The following CACNA2D3 variants were observed in gnomAD, a reference collection of about 807,000 sequenced individuals.
CACNA2D3 encodes calcium voltage-gated channel auxiliary subunit alpha2delta 3, also known as voltage-dependent calcium channel subunit alpha-2/delta-3.
A neutral mutation model predicts 160.6 loss-of-function variants in CACNA2D3; 60 were observed. The ratio of observed to expected loss-of-function variants is 0.37; its 90% confidence interval spans 0.30 to 0.46. CACNA2D3 has a LOEUF of 0.46. Ranked by LOEUF, CACNA2D3 falls within the 20% of genes least tolerant of loss-of-function variation. The pLI, the probability that CACNA2D3 is intolerant of heterozygous loss-of-function variation, is 1.00. For synonymous variants in CACNA2D3, 558 were observed against 492.9 expected (o/e 1.13, Z -1.75); for missense variants, 1,205 against 1,365.0 (o/e 0.88, Z 1.85).
intron 35 of CACNA2D3, among the ~76,000 whole-genome samples, chr3:55,034,867 G>T (rs1207590513): frequency 6.6e-6 from 1 of 152,042 alleles, no homozygotes. Context: ...GTGTATTTAT[G>T]TAGTGACTCT....
intron 3 of CACNA2D3, among the ~76,000 whole-genome samples, chr3:54,342,765 A>G (rs191381035): frequency 3.8e-4 from 58 of 152,332 alleles, no homozygotes; most frequent in African/African-American, 1.3e-3. Flanking sequence ...AACTGGTTTG[A>G]AGGTGATGAG....
intron 11 of CACNA2D3, among the ~76,000 whole-genome samples, chr3:54,728,185 CT>C (rs149268857): frequency 0.064 from 9,775 of 152,056 alleles, 1,010 homozygotes; most frequent in African/African-American, 0.22. Context: ...TTGCCCCATT[CT>C]TTTTTTAAAT....
chr3:54,821,649 TTTC>T (rs1559594853), intron 14 of CACNA2D3, among the ~76,000 whole-genome samples: 11 of 46,940 alleles, frequency 2.3e-4, no homozygotes, highest in African/African-American at 6.8e-4. Flanking sequence ...TCGTTCTTTC[TTTC>T]TTTCTTTCTT....
At chr3:54,837,353 G>A (rs1462347790) in intron 15 of CACNA2D3, 123 bp downstream of exon 15, 6 of 777,848 alleles carry the variant, frequency 7.7e-6, no homozygotes, top group Non-Finnish European at 1.3e-5. Context: ...TTTCCTTATT[G>A]TTTGATCTTG....
At chr3:54,545,104 TAACA>T (rs1702040912) in intron 5 of CACNA2D3, among the ~76,000 whole-genome samples, 3 of 152,230 alleles carry the variant, frequency 2.0e-5, no homozygotes, top group African/African-American at 7.2e-5. Flanking sequence ...TGTTCCAAAC[TAACA>T]AACTGATAAA....
In CACNA2D3 at chr3:54,693,036, C is replaced by T. The variant is rs1159111259; in HGVS notation, c.1167+50795C>T. ...CAGCAAAATGTAAAAAAAAAACCAC[C>T]ACCACCACCACCACCAACAACAAAA... On this transcript the variant is annotated intron_variant, in intron 11 of 37. Coordinates refer to ENST00000474759, the MANE Select transcript of CACNA2D3 (RefSeq NM_018398.3). 4.6e-5 allele frequency among the ~76,000 whole-genome samples: 7 copies of T among 151,538 alleles called. No individual in the cohort carries two copies. In the East Asian group the frequency reaches 7.8e-4, roughly 17 times the overall value.
intron 11 of CACNA2D3, among the ~76,000 whole-genome samples, chr3:54,664,701 G>A (rs1284468826): frequency 6.6e-6 from 1 of 152,212 alleles, no homozygotes; most frequent in East Asian, 1.9e-4. Context: ...CATTTCGTGG[G>A]CCTAAGACTG....
At chr3:54,492,344 T>C (rs1376975331) in intron 4 of CACNA2D3, among the ~76,000 whole-genome samples, 1 of 152,214 alleles carries the variant, frequency 6.6e-6, no homozygotes, top group Admixed American at 6.5e-5. Flanking sequence ...TGGACACTTC[T>C]GGAGTCATCT....
At chr3:54,211,491 A>G (rs556590664) in intron 2 of CACNA2D3, among the ~76,000 whole-genome samples, 73 of 152,304 alleles carry the variant, frequency 4.8e-4, no homozygotes, top group Non-Finnish European at 7.9e-4. Flanking sequence ...GTGTGCTGGT[A>G]ATTTTGATAG....
At chr3:54,641,158 G>T (rs377007014) in intron 10 of CACNA2D3, among the ~76,000 whole-genome samples, 1 of 152,156 alleles carries the variant, frequency 6.6e-6, no homozygotes, top group South Asian at 2.1e-4. Context: ...ATATGCCTAA[G>T]TTGTGGTCAT....
Position 55,004,770 on chromosome 3 carries a change from C to G in CACNA2D3, c.2698C>G (p.Leu900Val). 2 of 1,612,790 alleles carry G rather than the reference C, an allele frequency of 1.2e-6. No individual in the cohort carries two copies. The highest frequency in any genetic ancestry group is 1.7e-5 in the Admixed American group (1 of 59,954). Residue 900 changes from leucine to valine, a missense_variant, in exon 32 of 38, where the codon CTT (leucine) becomes GTT (valine). Leu to Val is a conservative substitution (Grantham distance 32, BLOSUM62 1). Coordinates refer to ENST00000474759, the MANE Select transcript of CACNA2D3 (RefSeq NM_018398.3). ...TCCATTTCTTTCCTGTAGAATTACCCTTTATGACTACCAAGCCATGTGTAG... is the reference window on the plus strand; with the variant it reads ...TCCATTTCTTTCCTGTAGAATTACCGTTTATGACTACCAAGCCATGTGTAG... The part of the protein sequence containing the change: ...LTMGSFKRIT[L>V]YDYQAMCRAN...
chr3:55,053,989 T>A (rs1485892937), intron 35 of CACNA2D3, among the ~76,000 whole-genome samples: 1 of 151,928 alleles, frequency 6.6e-6, no homozygotes, highest in Non-Finnish European at 1.5e-5. Flanking sequence ...TTTTCTGTCT[T>A]TTATATTGAC....
intron 30 of CACNA2D3, 140 bp downstream of exon 30, chr3:54,984,810 C>T: frequency 1.6e-6 from 1 of 628,688 alleles, no homozygotes; most frequent in South Asian, 2.1e-5. Context: ...AACCTTATTT[C>T]CATCCCTCTA....
At chr3:54,250,787 G>A (rs1288643719) in intron 2 of CACNA2D3, among the ~76,000 whole-genome samples, 1 of 152,028 alleles carries the variant, frequency 6.6e-6, no homozygotes, top group Non-Finnish European at 1.5e-5. Flanking sequence ...ACTCCTAGGG[G>A]GCTTACAGTC....
chr3:54,659,285 T>C (rs1699927162), intron 11 of CACNA2D3, among the ~76,000 whole-genome samples: 1 of 152,136 alleles, frequency 6.6e-6, no homozygotes, highest in Non-Finnish European at 1.5e-5. Flanking sequence ...TGGCACACAG[T>C]GTGCGTTCAG....
chr3:54,260,720 T>A (rs1015567397), intron 2 of CACNA2D3, among the ~76,000 whole-genome samples: 1 of 152,190 alleles, frequency 6.6e-6, no homozygotes, highest in South Asian at 2.1e-4. Flanking sequence ...GGTATTCTTT[T>A]TTTTTTCCTT....
At position 54,564,106 on chromosome 3, in the gene CACNA2D3, T is replaced by C. The variant is rs78472355; in HGVS notation, c.676+1175T>C. On this transcript the variant is annotated intron_variant, in intron 6 of 37. Coordinates refer to ENST00000474759, the MANE Select transcript of CACNA2D3 (RefSeq NM_018398.3). The stretch of plus-strand genomic sequence containing the variant: ...AAATCTGGTGCAGATATTGCTGAAA[T>C]CAGAGCCTAGGGGAGAGGTTCCTCT... Among the ~76,000 whole-genome samples, 3,048 of 152,272 alleles carry C rather than the reference T, an allele frequency of 0.02. 152 individuals are homozygous for C. The East Asian group carries it at 0.2, about 10-fold the overall frequency.
chr3:54,307,326 C>T (rs746032780), intron 2 of CACNA2D3, among the ~76,000 whole-genome samples: 6 of 152,000 alleles, frequency 3.9e-5, no homozygotes, highest in Non-Finnish European at 7.4e-5. Flanking sequence ...TATAAGAATA[C>T]CCTCATTTTT....
At chr3:54,906,991 C>G (rs1700461861) in intron 27 of CACNA2D3, among the ~76,000 whole-genome samples, 1 of 152,100 alleles carries the variant, frequency 6.6e-6, no homozygotes, top group Non-Finnish European at 1.5e-5. Context: ...AAAAATAGCC[C>G]AGAGTTTTGA....
Sources: allele counts gnomAD v4.1 joint callset (sites outside exome capture counted in the v4.1 genomes callset), GRCh38; gene constraint gnomAD v4.1.1; transcripts MANE v1.5; gene names NCBI Gene and HGNC (gene_info 2026-07-23, HGNC 2026-07-21).